UNC5C: variants seen among roughly 807,000 people sequenced by gnomAD.
UNC5C encodes unc-5 netrin receptor C, also known as netrin receptor UNC5C.
Under a neutral mutation model 99.8 loss-of-function variants are expected in UNC5C, and 47 were observed. That is an observed-to-expected ratio of 0.47 (90% CI 0.37 to 0.60). The LOEUF is 0.60. Ranked by LOEUF, UNC5C falls within the 20% of genes least tolerant of loss-of-function variation. UNC5C has a pLI of 0.00. For synonymous variants in UNC5C, 487 were observed against 452.2 expected (o/e 1.08, Z -0.98); for missense variants, 1,062 against 1,165.9 (o/e 0.91, Z 1.30).
intron 1 of UNC5C, among the ~76,000 whole-genome samples, chr4:95,510,044 G>A (rs1292448969): frequency 6.6e-6 from 1 of 151,802 alleles, no homozygotes; most frequent in East Asian, 1.9e-4. Context: ...CACAGAAATT[G>A]GAAGTATAAC....
chr4:95,416,184 T>C (rs1746160363), intron 1 of UNC5C, among the ~76,000 whole-genome samples: 1 of 152,154 alleles, frequency 6.6e-6, no homozygotes, highest in Non-Finnish European at 1.5e-5. Context: ...CAGAATGGGC[T>C]GGCTGGTCAG....
intron 1 of UNC5C, among the ~76,000 whole-genome samples, chr4:95,488,486 G>A (rs919586889): frequency 4.6e-5 from 7 of 151,732 alleles, no homozygotes; most frequent in African/African-American, 1.7e-4. Context: ...CATAGCTTCT[G>A]AGAACTGGTT....
Position 95,196,735 on chromosome 4 carries a change from T to TTATATTTATGTAATATATAATATA in UNC5C, c.2136+5972_2136+5995dup, listed in dbSNP as rs1263254776. Among the ~76,000 whole-genome samples the TTATATTTATGTAATATATAATATA allele has an allele frequency of 4.8e-5, 4 of 84,210 alleles. 2 individuals carry two copies. Among genetic ancestry groups the TTATATTTATGTAATATATAATATA allele is most frequent in the African/African-American group, 1.0e-4 (2 of 19,584 alleles). The allele number at this position is 84,210 out of a possible 152,430, so 55.2% of individuals were successfully genotyped here. On this transcript the variant is annotated intron_variant, in intron 12 of 15. Coordinates refer to ENST00000453304, the MANE Select transcript of UNC5C (RefSeq NM_003728.4). ...ATATAAATAAATGTACAAATATATA[T>TTATATTTATGTAATATATAATATA]TATATTTATGTAATATATAATATAT...
At chr4:95,197,980 CTTTTT>C (rs1211335596) in intron 12 of UNC5C, among the ~76,000 whole-genome samples, 2 of 119,934 alleles carry the variant, frequency 1.7e-5, no homozygotes, top group Non-Finnish European at 1.7e-5. Context: ...GAGCCTCTCC[CTTTTT>C]TTTTTTTTTT....
At chr4:95,435,434 T>C (rs1746750617) in intron 1 of UNC5C, among the ~76,000 whole-genome samples, 1 of 152,068 alleles carries the variant, frequency 6.6e-6, no homozygotes, top group Non-Finnish European at 1.5e-5. Flanking sequence ...CTGTCATAAC[T>C]CTTATTTTAA....
intron 5 of UNC5C, chr4:95,248,426 T>G (rs79714190): frequency 7.0e-5 from 27 of 383,014 alleles, no homozygotes; most frequent in African/African-American, 5.3e-4. Context: ...AGATTAAGAG[T>G]TATTTTAATA....
At chr4:95,475,062 C>T (rs1164204986) in intron 1 of UNC5C, among the ~76,000 whole-genome samples, 1 of 152,108 alleles carries the variant, frequency 6.6e-6, no homozygotes, top group Admixed American at 6.6e-5. Flanking sequence ...CCAGAGCCTG[C>T]TATGTAGTCT....
At chr4:95,238,830 T>A (rs1739222526) in intron 7 of UNC5C, among the ~76,000 whole-genome samples, 2 of 152,192 alleles carry the variant, frequency 1.3e-5, no homozygotes, top group Non-Finnish European at 2.9e-5. Context: ...TGTATCTGAT[T>A]TTTCATCTTC....
chr4:95,185,226 C>T (rs1736785438), intron 12 of UNC5C, 30 bp from the exon 13 acceptor site: 8 of 1,576,274 alleles, frequency 5.1e-6, no homozygotes, highest in Admixed American at 2.0e-5. Flanking sequence ...ACCCAAAGCA[C>T]GTTATTGATT....
At chr4:95,468,275 G>A (rs1747860658) in intron 1 of UNC5C, among the ~76,000 whole-genome samples, 1 of 151,956 alleles carries the variant, frequency 6.6e-6, no homozygotes, top group Non-Finnish European at 1.5e-5. Flanking sequence ...GAACCCTTCT[G>A]CTAGATTGTC....
chr4:95,270,567 G>A (rs1740621555), intron 4 of UNC5C, among the ~76,000 whole-genome samples: 1 of 152,186 alleles, frequency 6.6e-6, no homozygotes, highest in Non-Finnish European at 1.5e-5. Context: ...TTGCACATAT[G>A]TCTAGCTTAT....
intron 2 of UNC5C, 59 bp downstream of exon 2, chr4:95,335,351 T>G (rs1743291127): frequency 6.9e-7 from 1 of 1,452,164 alleles, no homozygotes; most frequent in Non-Finnish European, 9.5e-7. Flanking sequence ...TATGTCCACA[T>G]GCTAGAGTAG....
intron 1 of UNC5C, among the ~76,000 whole-genome samples, chr4:95,359,667 T>C (rs1186780263): frequency 6.6e-6 from 1 of 152,102 alleles, no homozygotes; most frequent in East Asian, 1.9e-4. Flanking sequence ...TATCCATCTG[T>C]TTAATAGAAG....
chr4:95,397,385 C>G (rs945720616), intron 1 of UNC5C, among the ~76,000 whole-genome samples: 1 of 152,074 alleles, frequency 6.6e-6, no homozygotes, highest in Non-Finnish European at 1.5e-5. Flanking sequence ...TTGGCTAATC[C>G]CATTCTACCA....
rs117393683 is a variant in UNC5C at position 95,415,638 on chromosome 4, T to C, written c.125-80007A>G. 1.3e-3 allele frequency among the ~76,000 whole-genome samples: 192 copies of C among 152,306 alleles called. 3 individuals are homozygous for C. The East Asian group carries it at 0.035, about 27-fold the overall frequency. On this transcript the variant is annotated intron_variant, in intron 1 of 15. Coordinates refer to ENST00000453304, the MANE Select transcript of UNC5C (RefSeq NM_003728.4). Reference sequence around the variant, plus strand: ...GTTTTCGTAAGTTTGATGACTCATTTTTGTAAAGTTTGATTTTTAAAATAG... The same window carrying C: ...GTTTTCGTAAGTTTGATGACTCATTCTTGTAAAGTTTGATTTTTAAAATAG...
intron 1 of UNC5C, among the ~76,000 whole-genome samples, chr4:95,365,397 TAA>T (rs1247405719): frequency 6.8e-6 from 1 of 147,294 alleles, no homozygotes; most frequent in Non-Finnish European, 1.5e-5. Context: ...AAATTTAATA[TAA>T]TATATATTTT....
At chr4:95,424,382 A>G (rs1031158575) in intron 1 of UNC5C, among the ~76,000 whole-genome samples, 5 of 151,956 alleles carry the variant, frequency 3.3e-5, no homozygotes, top group African/African-American at 1.2e-4. Flanking sequence ...CCGATTTCTC[A>G]CATATTTCGG....
chr4:95,514,004 C>G (rs539540877), intron 1 of UNC5C, among the ~76,000 whole-genome samples: 2 of 152,248 alleles, frequency 1.3e-5, no homozygotes, highest in African/African-American at 2.4e-5. Flanking sequence ...AGATGGTATA[C>G]TTCAGAATCA....
chr4:95,326,673 G>T (rs1742895536), intron 2 of UNC5C, among the ~76,000 whole-genome samples: 1 of 152,060 alleles, frequency 6.6e-6, no homozygotes, highest in Admixed American at 6.6e-5. Context: ...AAAGAGTAAT[G>T]GTAATGAATG....
Sources: gnomAD v4.1 joint callset for allele counts (sites outside exome capture counted in the v4.1 genomes callset) on GRCh38, gnomAD v4.1.1 for gene constraint, MANE v1.5 for transcripts, NCBI Gene and HGNC (gene_info 2026-07-23, HGNC 2026-07-21) for gene names.